The following NFRKB variants were observed in gnomAD, a reference collection of about 807,000 sequenced individuals.
NFRKB encodes nuclear factor related to kappa-B-binding protein.
A neutral mutation model predicts 135.7 loss-of-function variants in NFRKB; 62 were observed. The ratio of observed to expected loss-of-function variants is 0.46; its 90% CI spans 0.37 to 0.56. The LOEUF (loss-of-function observed/expected upper bound fraction) is 0.56. Among genes scored for constraint, NFRKB ranks in the 20% least tolerant of loss-of-function variants. NFRKB has a pLI of 0.00. For missense variants in NFRKB, 1,545 were observed against 1,662.0 expected (o/e 0.93, Z 1.22); for synonymous variants, 678 against 635.6 (o/e 1.07, Z -1.00).
chr11:129,869,883 G>C lies in NFRKB; in HGVS notation c.3142C>G (p.Leu1048Val), dbSNP rs772098902. Reference protein sequence around the residue: ...GTTVVKVTPDLKPTEASSSAF... With the variant: ...GTTVVKVTPDVKPTEASSSAF... ...GAACTTGAGGCTTCTGTTGGCTTGA[G>C]GTCAGGAGTCACTTTGACCACAGTG... The change falls in exon 24 of 27, where the codon CTC becomes GTC. Residue 1048 changes from leucine to valine, a missense_variant. Leu to Val is a conservative substitution (Grantham distance 32). Coordinates refer to ENST00000682444, the MANE Select transcript of NFRKB (RefSeq NM_001143835.2). 3.7e-6 allele frequency: 6 copies of C among 1,614,140 alleles called. No homozygotes were observed. The highest frequency in any genetic ancestry group is 5.1e-6 in the Non-Finnish European group (6 of 1,180,054).
At chr11:129,876,602 C>A in intron 17 of NFRKB, 119 bp downstream of exon 17, 1 of 1,106,076 alleles carries the variant, frequency 9.0e-7, no homozygotes, top group Middle Eastern at 3.1e-4. Flanking sequence ...AAAAACTATG[C>A]CTTGTTCTCA....
chr11:129,881,054 G>T (rs1240240942), intron 13 of NFRKB, among the ~76,000 whole-genome samples: 1 of 151,986 alleles, frequency 6.6e-6, no homozygotes, highest in Non-Finnish European at 1.5e-5. Flanking sequence ...ACTTATTCGG[G>T]GCTGCTGCAC....
At chr11:129,877,247 T>TGCA (rs1168097062) in intron 16 of NFRKB, 78 bp downstream of exon 16, 1 of 1,388,860 alleles carries the variant, frequency 7.2e-7, no homozygotes, top group African/African-American at 1.4e-5. Flanking sequence ...AGAAGGTAGA[T>TGCA]GCAGGAGAGT....
intron 10 of NFRKB, 127 bp from the exon 11 acceptor site, chr11:129,882,321 G>T (rs1356864519): frequency 9.2e-5 from 124 of 1,350,810 alleles, no homozygotes; most frequent in Non-Finnish European, 1.2e-4. Context: ...TATTTTCCCA[G>T]CAGTATCCCT....
In NFRKB at chr11:129,874,019, T is replaced by C. The variant is rs79273749; in HGVS notation, c.2280-4A>G. On this transcript the variant is annotated splice_region_variant and splice_polypyrimidine_tract_variant and intron_variant, in intron 21 of 26. Coordinates refer to ENST00000682444, the MANE Select transcript of NFRKB (RefSeq NM_001143835.2). The surrounding 1 kb of genome is among the most constrained non-coding windows in gnomAD (Gnocchi z 4.5). ...TGGTGAAGACACCAGAAGAACACTA[T>C]GAAGAACATCGGGGAAAGACAAAAA... 2.0e-3 allele frequency: 3,256 copies of C among 1,608,030 alleles called. 50 individuals are homozygous for C. In the African/African-American group the frequency reaches 0.036, roughly 18 times the overall value.
chr11:129,882,626 A>G lies in NFRKB; in HGVS notation c.907T>C (p.Tyr303His), dbSNP rs200454863. Residue 303 changes from tyrosine to histidine, a missense_variant, in exon 10 of 27, where the codon TAT becomes CAT. Physicochemically the swap from Tyr to His is moderately conservative, Grantham distance 83 (BLOSUM62 2). Around this residue, in one of 3 missense-constraint regions of NFRKB, gnomAD observed 678 missense variants for 646.7 expected, o/e 1.05. Transcript: ENST00000682444. ...AGRKGSLAAL[Y>H]DLAVLKKKVK... ...TTTTTTTTAAGGACAGCCAAGTCAT[A>G]TAAGGCTAGAAAGGCAAAGTAACAC... is the stretch of plus-strand genomic sequence containing the variant. 7 of 1,613,384 alleles carry G rather than the reference A, an allele frequency of 4.3e-6. No homozygotes were observed. Among genetic ancestry groups the G allele is most frequent in the African/African-American group, 4.0e-5 (3 of 74,854 alleles).
Position 129,873,032 on chromosome 11 carries a change from GGTCCAGGCCGCTGCACAGTGGCTGCCGTA to G in NFRKB, c.2586_2614del (p.Thr863ArgfsTer19). On this transcript the variant is annotated frameshift_variant, in exon 23 of 27. Transcript: ENST00000682444. LOFTEE classifies it high-confidence loss of function. ...TGTCACCGTGAGCCCTGTCTGCCCGGGTCCAGGCCGCTGCACAGTGGCTGCCGTAGTCTGCGCTTTGACGGGCACAGTGG... is the reference window on the plus strand; with the variant it reads ...TGTCACCGTGAGCCCTGTCTGCCCGGGTCTGCGCTTTGACGGGCACAGTGG... 1.2e-6 allele frequency: 2 copies of G among 1,614,070 alleles called. No individual in the cohort carries two copies. Among genetic ancestry groups the G allele is most frequent in the Non-Finnish European group, 1.7e-6 (2 of 1,180,000 alleles).
At chr11:129,895,365 C>G (rs1224010812) in intron 1 of NFRKB, 131 bp downstream of exon 1, 1 of 148,224 alleles carries the variant, frequency 6.7e-6, no homozygotes, top group African/African-American at 2.5e-5. Flanking sequence ...CGCGTCGCAC[C>G]GCTCCCCACG....
In NFRKB at chr11:129,883,060, T is replaced by C. The variant is rs1386792795; in HGVS notation, c.901+62A>G. ...GGTTTCATTTATTTTTGCCATGTTA[T>C]GGGCTCACGCAACTTAACACCATAG... On this transcript the variant is annotated intron_variant, in intron 9 of 26. Transcript: ENST00000682444. The C allele has an allele frequency of 2.1e-5, 31 of 1,483,468 alleles. No homozygotes were observed. The East Asian group carries it at 5.0e-4, about 24-fold the overall frequency. 91.9% of individuals were successfully genotyped at this position (1,483,468 alleles called of 1,614,324 possible).
chr11:129,874,338 A>C lies in NFRKB; in HGVS notation c.2059-5T>G. 6.6e-7 allele frequency: 1 copy of C among 1,519,030 alleles called. No individual in the cohort carries two copies. Among genetic ancestry groups the C allele is most frequent in the Non-Finnish European group, 8.8e-7 (1 of 1,136,408 alleles). 94.1% of individuals were successfully genotyped at this position (1,519,030 alleles called of 1,614,324 possible). On this transcript the variant is annotated splice_region_variant and splice_polypyrimidine_tract_variant and intron_variant, in intron 20 of 26. Coordinates refer to ENST00000682444, the MANE Select transcript of NFRKB (RefSeq NM_001143835.2). The surrounding 1 kb of genome is among the most constrained non-coding windows in gnomAD (Gnocchi z 4.5). ...GCTCTCCTTGCTACTGGACTTCTAG[A>C]ACGGAAGACAAAGAAAACTCACCTG...
In NFRKB at chr11:129,873,836, G is replaced by A. The variant is rs142369758; in HGVS notation, c.2459C>T (p.Ser820Leu). 1.1e-5 allele frequency: 18 copies of A among 1,614,076 alleles called. No homozygotes were observed. Among genetic ancestry groups the A allele is most frequent in the African/African-American group, 4.0e-5 (3 of 74,934 alleles). The part of the protein sequence containing the change: ...QPSLPAVPQQ[S>L]GGPAQTLPQM... Reference sequence around the variant, plus strand: ...TGGCAATGTCTGTGCCGGCCCTCCCGACTGCTGGGGAACAGCAGGAAGGCT... The same window carrying A: ...TGGCAATGTCTGTGCCGGCCCTCCCAACTGCTGGGGAACAGCAGGAAGGCT... The change falls in exon 22 of 27, where the codon TCG (serine) becomes TTG (leucine). Residue 820 changes from serine to leucine, a missense_variant. Ser to Leu is a moderately radical substitution (Grantham distance 145, BLOSUM62 -2). Coordinates refer to ENST00000682444, the MANE Select transcript of NFRKB (RefSeq NM_001143835.2).
rs374526429 is a variant in NFRKB, at chr11:129,877,292, G to A, written c.1572+33C>T. On this transcript the variant is annotated intron_variant, in intron 16 of 26. Transcript: ENST00000682444. ...AGCATCTCTCTGCATGGCTCACAGA[G>A]GCAGAGACTTACACTGGCTTTTAGG... 55 of 1,603,836 alleles carry A rather than the reference G, an allele frequency of 3.4e-5. No homozygotes were observed. In the East Asian group the frequency reaches 9.6e-4, roughly 28 times the overall value.
chr11:129,865,993 A>C lies in NFRKB; in HGVS notation c.3532-10T>G. 2 of 1,582,724 alleles carry C rather than the reference A, an allele frequency of 1.3e-6. No homozygotes were observed. The highest frequency in any genetic ancestry group is 1.7e-6 in the Non-Finnish European group (2 of 1,165,746). ...GTGTAGGCAACTTCCCCTAGAAAAA[A>C]AAAGCAGTCAGGTTTTGTAAGACAG... On this transcript the variant is annotated splice_polypyrimidine_tract_variant and intron_variant, in intron 24 of 26. Coordinates refer to ENST00000682444, the MANE Select transcript of NFRKB (RefSeq NM_001143835.2).
In NFRKB at chr11:129,878,887, G is replaced by A. The variant is rs572697536; in HGVS notation, c.1385-344C>T. Among the ~76,000 whole-genome samples the A allele has an allele frequency of 2.6e-5, 4 of 152,348 alleles. No individual in the cohort carries two copies. The South Asian group carries it at 8.3e-4, about 32-fold the overall frequency. On this transcript the variant is annotated intron_variant, in intron 13 of 26. Transcript: ENST00000682444. ...ACATATTTTAAAATCAATTCAAAAA[G>A]TGGTAAGCATCACAAAGGATGTCAT...
intron 8 of NFRKB, 41 bp downstream of exon 8, chr11:129,884,029 C>G (rs760448054): frequency 6.2e-7 from 1 of 1,605,332 alleles, no homozygotes; most frequent in Non-Finnish European, 8.5e-7. Context: ...CCTGAGACAT[C>G]AGGCTGAAAA....
chr11:129,889,661 T>TAGGCTGGGCGCG (rs1591533633), intron 3 of NFRKB, among the ~76,000 whole-genome samples: 1 of 146,610 alleles, frequency 6.8e-6, no homozygotes, highest in Non-Finnish European at 1.5e-5. Flanking sequence ...GAAGTGCTGA[T>TAGGCTGGGCGCG]GTGTATAGAA....
chr11:129,864,281 AT>A lies in NFRKB; in HGVS notation c.*443del, dbSNP rs1948087378. 1 of 154,402 alleles carries A rather than the reference AT, an allele frequency of 6.5e-6. No individual in the cohort carries two copies. The highest frequency in any genetic ancestry group is 1.9e-4 in the East Asian group (1 of 5,290). The allele number at this position is 154,402 out of a possible 1,614,324, so 9.6% of individuals were successfully genotyped here. On this transcript the variant is annotated 3_prime_UTR_variant, in exon 27 of 27. Coordinates refer to ENST00000682444, the MANE Select transcript of NFRKB (RefSeq NM_001143835.2). ...GATGTACAACAGGTTCTTTAAAAAA[AT>A]AAATTACATAAAATTTTCTGGACAC...
rs1048233959 is a variant in NFRKB at position 129,864,018 on chromosome 11, A to G, written c.*707T>C. The G allele has an allele frequency of 5.2e-5, 8 of 152,470 alleles. No individual in the cohort carries two copies. The highest frequency in any genetic ancestry group is 2.0e-4 in the Admixed American group (3 of 15,294). The allele number at this position is 152,470 out of a possible 1,614,324, so 9.4% of individuals were successfully genotyped here. A position where few individuals can be genotyped will look rare whatever the true frequency, so the allele number is the denominator to read the frequency against. ...GGTAAAGCTGGGGGGGGCGGCCACA[A>G]TCAAGATCCCAACACCCCTATCTTT... On this transcript the variant is annotated 3_prime_UTR_variant, in exon 27 of 27. Transcript: ENST00000682444.
chr11:129,888,823 A>T, intron 3 of NFRKB, 28 bp from the exon 4 acceptor site: 1 of 1,590,278 alleles, frequency 6.3e-7, no homozygotes. Context: ...AGTAAACAAA[A>T]GTAAAATAAA....
Sources: gnomAD v4.1 joint callset for allele counts (sites outside exome capture counted in the v4.1 genomes callset) on GRCh38, gnomAD v4.1.1 for gene constraint, gnomAD v4.1.1 regional missense constraint, Gnocchi (gnomAD v3.1) non-coding constraint, MANE v1.5 for transcripts, NCBI Gene and HGNC (gene_info 2026-07-23, HGNC 2026-07-21) for gene names.